ROS1: variants seen among roughly 807,000 people sequenced by gnomAD.
ROS1 encodes proto-oncogene tyrosine-protein kinase ROS.
A neutral mutation model predicts 273.5 loss-of-function variants in ROS1; 263 were observed. The observed-to-expected ratio is 0.96, with a 90% CI of 0.87 to 1.06. ROS1 has a LOEUF of 1.06. Among genes scored for constraint, ROS1 ranks in the 50% least tolerant of loss-of-function variants. The pLI is 0.00. For synonymous variants in ROS1, 1,008 were observed against 954.1 expected (o/e 1.06, Z -1.04); for missense variants, 2,833 against 2,751.1 (o/e 1.03, Z -0.67).
rs749138188 is a variant in ROS1 at position 117,308,887 on chromosome 6, T to C, written c.6458A>G (p.His2153Arg). 5 of 1,613,452 alleles carry C rather than the reference T, an allele frequency of 3.1e-6. No individual in the cohort carries two copies. Among genetic ancestry groups the C allele is most frequent in the East Asian group, 2.2e-5 (1 of 44,854 alleles). The change falls in exon 42 of 44, where the codon CAT becomes CGT. Residue 2153 changes from histidine to arginine, a missense_variant. Physicochemically the swap from His to Arg is conservative, Grantham distance 29. Transcript: ENST00000368507. ...GTTGGAATGAGCTGGATAAGGCTGATGACCAAGAGTTAAAATCTCCCAAAT... is the reference window on the plus strand; with the variant it reads ...GTTGGAATGAGCTGGATAAGGCTGACGACCAAGAGTTAAAATCTCCCAAAT... ...ILIWEILTLG[H>R]QPYPAHSNLD...
At chr6:117,329,533 G>T in intron 32 of ROS1, 87 bp from the exon 33 acceptor site, 1 of 692,048 alleles carries the variant, frequency 1.4e-6, no homozygotes. Flanking sequence ...ATATTAAGAG[G>T]AAAGACAACA....
intron 27 of ROS1, among the ~76,000 whole-genome samples, chr6:117,352,247 A>AT (rs917367412): frequency 2.6e-5 from 4 of 152,058 alleles, no homozygotes; most frequent in African/African-American, 9.7e-5. Flanking sequence ...CGCTGGGCTA[A>AT]TTTTTTTGGC....
At chr6:117,419,098 T>C (rs1415646998) in intron 1 of ROS1, among the ~76,000 whole-genome samples, 1 of 152,206 alleles carries the variant, frequency 6.6e-6, no homozygotes, top group East Asian at 1.9e-4. Flanking sequence ...GGCCATCAGA[T>C]AATCAGATAA....
intron 38 of ROS1, 86 bp downstream of exon 38, chr6:117,318,102 A>C: frequency 2.2e-6 from 2 of 921,334 alleles, no homozygotes; most frequent in South Asian, 1.4e-5. Context: ...ATGATCCGTT[A>C]AGTCATGTCA....
At chr6:117,313,818 A>G (rs903456542) in intron 39 of ROS1, among the ~76,000 whole-genome samples, 12 of 152,140 alleles carry the variant, frequency 7.9e-5, no homozygotes, top group African/African-American at 2.4e-4. Context: ...GCTGGCCTCA[A>G]AAGAAGTCAG....
intron 27 of ROS1, among the ~76,000 whole-genome samples, chr6:117,350,677 G>T (rs910996762): frequency 7.9e-5 from 11 of 138,384 alleles, no homozygotes; most frequent in African/African-American, 2.6e-4. Flanking sequence ...ATTCTGTTTC[G>T]GTTTTTTTCC....
chr6:117,302,063 T>C (rs559101983), intron 42 of ROS1, among the ~76,000 whole-genome samples: 1 of 152,282 alleles, frequency 6.6e-6, no homozygotes, highest in South Asian at 2.1e-4. Flanking sequence ...ATAGTAATTA[T>C]AAGAGAAAGG....
chr6:117,398,638 C>T (rs1773688409), intron 7 of ROS1, among the ~76,000 whole-genome samples: 2 of 141,948 alleles, frequency 1.4e-5, no homozygotes, highest in African/African-American at 2.6e-5. Context: ...GAAATTGTGC[C>T]ACTGCACTGC....
intron 43 of ROS1, among the ~76,000 whole-genome samples, chr6:117,297,268 G>T (rs1329400813): frequency 6.6e-6 from 1 of 152,120 alleles, no homozygotes. Context: ...GAAAATACTA[G>T]AAGAAAGCCT....
intron 42 of ROS1, among the ~76,000 whole-genome samples, chr6:117,302,124 T>C (rs960265479): frequency 6.6e-6 from 1 of 152,212 alleles, no homozygotes; most frequent in Non-Finnish European, 1.5e-5. Context: ...GTAAGTATTT[T>C]ATATTGTTTA....
chr6:117,290,457 A>C (rs1232896813), intron 43 of ROS1, among the ~76,000 whole-genome samples: 2 of 152,344 alleles, frequency 1.3e-5, no homozygotes, highest in South Asian at 2.1e-4. Flanking sequence ...TTATTTAATA[A>C]GTAGTCTATG....
At chr6:117,290,181 T>C (rs1270462200) in intron 43 of ROS1, among the ~76,000 whole-genome samples, 1 of 152,200 alleles carries the variant, frequency 6.6e-6, no homozygotes, top group East Asian at 1.9e-4. Flanking sequence ...TGATTTTAAT[T>C]TTTTAAACTT....
In ROS1 at chr6:117,320,020, T is replaced by C. The variant is rs1467543506; in HGVS notation, c.5770A>G (p.Thr1924Ala). 1 of 1,613,050 alleles carries C rather than the reference T, an allele frequency of 6.2e-7. No homozygotes were observed. The highest frequency in any genetic ancestry group is 8.5e-7 in the Non-Finnish European group (1 of 1,179,408). ...GGAAGATTTTCAATCTCCTCTTGGG[T>C]TGGAAGAGTACTGTAAAATAGCAAC... ...NACYAIHTLP[T>A]QEEIENLPAF... is the part of the protein sequence containing the mutation. The change falls in exon 37 of 44, where the codon ACC (threonine) becomes GCC (alanine). Residue 1924 changes from threonine to alanine, a missense_variant. Physicochemically the swap from Thr to Ala is moderately conservative, Grantham distance 58 (BLOSUM62 0). Coordinates refer to ENST00000368507, the MANE Select transcript of ROS1 (RefSeq NM_001378902.1).
intron 1 of ROS1, among the ~76,000 whole-genome samples, chr6:117,421,965 T>C (rs1775792268): frequency 6.6e-6 from 1 of 152,232 alleles, no homozygotes; most frequent in Non-Finnish European, 1.5e-5. Flanking sequence ...AATATTTTTA[T>C]GAAGTAAACA....
At chr6:117,293,700 A>G (rs1434723843) in intron 43 of ROS1, among the ~76,000 whole-genome samples, 1 of 152,206 alleles carries the variant, frequency 6.6e-6, no homozygotes, top group African/African-American at 2.4e-5. Flanking sequence ...AGGAATCAGA[A>G]GTCATTTTTA....
chr6:117,408,760 C>T (rs1774642972), intron 5 of ROS1, among the ~76,000 whole-genome samples: 1 of 152,142 alleles, frequency 6.6e-6, no homozygotes, highest in Non-Finnish European at 1.5e-5. Flanking sequence ...AAGACACATG[C>T]ACACGTATGT....
chr6:117,386,372 T>C (rs975496398), intron 15 of ROS1, among the ~76,000 whole-genome samples: 1 of 152,266 alleles, frequency 6.6e-6, no homozygotes, highest in Non-Finnish European at 1.5e-5. Context: ...CTATGGAAGA[T>C]GTCATCTTCA....
chr6:117,377,206 G>A (rs1405361000), intron 18 of ROS1, among the ~76,000 whole-genome samples: 1 of 152,110 alleles, frequency 6.6e-6, no homozygotes, highest in East Asian at 1.9e-4. Context: ...TGCCTCCCCG[G>A]TTCAATTGAT....
chr6:117,358,334 A>T (rs1562311408), intron 24 of ROS1, among the ~76,000 whole-genome samples: 1 of 152,288 alleles, frequency 6.6e-6, no homozygotes, highest in Admixed American at 6.5e-5. Flanking sequence ...AACAGACTTC[A>T]TCACCCACCC....
Sources: allele counts gnomAD v4.1 joint callset (sites outside exome capture counted in the v4.1 genomes callset), GRCh38; gene constraint gnomAD v4.1.1; transcripts MANE v1.5; gene names NCBI Gene and HGNC (gene_info 2026-07-23, HGNC 2026-07-21).